Variants in MKLN1 observed in about 807,000 individuals in gnomAD.
MKLN1 encodes the protein muskelin.
A neutral mutation model predicts 99.0 loss-of-function variants in MKLN1; 18 were observed. The ratio of observed to expected loss-of-function variants is 0.18; its 90% CI spans 0.13 to 0.27. The LOEUF (loss-of-function observed/expected upper bound fraction) is 0.27. Ranked by LOEUF, MKLN1 falls within the 10% of genes least tolerant of loss-of-function variation. MKLN1 has a pLI of 1.00. For synonymous variants in MKLN1, 288 were observed against 293.2 expected (o/e 0.98, Z 0.18); for missense variants, 621 against 875.9 (o/e 0.71, Z 3.67).
intron 1 of MKLN1, among the ~76,000 whole-genome samples, chr7:131,332,988 A>G (rs907143672): frequency 6.6e-6 from 1 of 151,840 alleles, no homozygotes; most frequent in Non-Finnish European, 1.5e-5. Context: ...TAGTGGCACC[A>G]TCTTGGCTCA....
At chr7:131,235,494 G>A (rs1294872737) in intron 3 of MKLN1, among the ~76,000 whole-genome samples, 1 of 152,110 alleles carries the variant, frequency 6.6e-6, no homozygotes, top group African/African-American at 2.4e-5. Flanking sequence ...TGTCACCTTC[G>A]TGAACAGACT....
intron 8 of MKLN1, among the ~76,000 whole-genome samples, chr7:131,419,345 G>A (rs1258391809): frequency 6.7e-6 from 1 of 149,772 alleles, no homozygotes; most frequent in Non-Finnish European, 1.5e-5. Context: ...CTGCCTCCGG[G>A]GTTCAAGTGA....
intron 1 of MKLN1, among the ~76,000 whole-genome samples, chr7:131,368,413 G>A (rs534712132): frequency 1.3e-5 from 2 of 152,164 alleles, no homozygotes; most frequent in Non-Finnish European, 2.9e-5. Context: ...GAGGCTGGGT[G>A]ATTTATGAAG....
intron 1 of MKLN1, among the ~76,000 whole-genome samples, chr7:131,351,925 A>G (rs1410759008): frequency 1.3e-5 from 2 of 152,140 alleles, no homozygotes; most frequent in Non-Finnish European, 2.9e-5. Context: ...TCATCTTACC[A>G]TTCCTTTCAC....
intron 12 of MKLN1, among the ~76,000 whole-genome samples, chr7:131,458,857 A>G (rs1796425540): frequency 6.6e-6 from 1 of 152,130 alleles, no homozygotes; most frequent in South Asian, 2.1e-4. Flanking sequence ...ATTCCATTGT[A>G]TTCTAGCATT....
chr7:131,239,409 T>C (rs1797369712), intron 3 of MKLN1, among the ~76,000 whole-genome samples: 1 of 151,892 alleles, frequency 6.6e-6, no homozygotes, highest in African/African-American at 2.4e-5. Context: ...AGCCTCAAAC[T>C]CCTGGGCTCA....
chr7:131,449,542 T>G (rs1354732387), intron 12 of MKLN1, among the ~76,000 whole-genome samples: 1 of 152,226 alleles, frequency 6.6e-6, no homozygotes, highest in Non-Finnish European at 1.5e-5. Context: ...TTAGAATTAC[T>G]TGGAAAAATT....
intron 3 of MKLN1, among the ~76,000 whole-genome samples, chr7:131,297,556 T>C (rs960867003): frequency 1.3e-5 from 2 of 151,578 alleles, no homozygotes; most frequent in African/African-American, 4.9e-5. Flanking sequence ...TTTTAGTATA[T>C]ATAGGGGCCT....
chr7:131,317,765 C>CAAAAAAAAAAAA (rs146525048), intron 3 of MKLN1, among the ~76,000 whole-genome samples: 3 of 49,982 alleles, frequency 6.0e-5, no homozygotes, highest in Non-Finnish European at 8.2e-5. Flanking sequence ...AAATGGAAAG[C>CAAAAAAAAAAAA]AAAAAAAAAA....
chr7:131,111,947 C>A (rs745919764), intron 1 of MKLN1, among the ~76,000 whole-genome samples: 51 of 152,358 alleles, frequency 3.3e-4, no homozygotes, highest in African/African-American at 1.2e-3. Context: ...AAATAGGAAA[C>A]CCCATCACTT....
intron 1 of MKLN1, among the ~76,000 whole-genome samples, chr7:131,345,049 A>G (rs1584628819): frequency 6.6e-6 from 1 of 151,916 alleles, no homozygotes; most frequent in African/African-American, 2.4e-5. Flanking sequence ...CAGGCGATCC[A>G]CCCGCCTTGG....
At chr7:131,131,771 A>C (rs1795555076) in intron 1 of MKLN1, among the ~76,000 whole-genome samples, 2 of 152,210 alleles carry the variant, frequency 1.3e-5, no homozygotes, top group African/African-American at 4.8e-5. Flanking sequence ...ATGACTTAAA[A>C]GGCATACTTC....
intron 2 of MKLN1, among the ~76,000 whole-genome samples, chr7:131,384,658 T>G (rs528833594): frequency 6.6e-6 from 1 of 152,332 alleles, no homozygotes; most frequent in East Asian, 1.9e-4. Flanking sequence ...CACCCTATAG[T>G]ACACCTATAG....
chr7:131,207,234 A>G (rs1796826877), intron 3 of MKLN1, among the ~76,000 whole-genome samples: 1 of 151,804 alleles, frequency 6.6e-6, no homozygotes, highest in Admixed American at 6.6e-5. Context: ...ACAGAGTCTC[A>G]CTCACTCTGT....
chr7:131,192,088 A>T (rs1185039942), intron 2 of MKLN1, among the ~76,000 whole-genome samples: 1 of 80,722 alleles, frequency 1.2e-5, no homozygotes, highest in Non-Finnish European at 2.5e-5. Context: ...CATATATATT[A>T]TATATATATG....
At position 131,466,459 on chromosome 7, in the gene MKLN1, C is replaced by CTA. The variant is rs761890911; in HGVS notation, c.1928+48_1928+49dup. The CTA allele has an allele frequency of 8.2e-5, 114 of 1,394,766 alleles. No homozygotes were observed. The Middle Eastern group carries it at 1.8e-3, about 22-fold the overall frequency. The allele number at this position is 1,394,766 out of a possible 1,614,324, so 86.4% of individuals were successfully genotyped here. A position where few individuals can be genotyped will look rare whatever the true frequency, so the allele number is the denominator to read the frequency against. On this transcript the variant is annotated intron_variant, in intron 15 of 17. Coordinates refer to ENST00000352689, the MANE Select transcript of MKLN1 (RefSeq NM_013255.5). ...GAAAACATTTAATTAACATTATCAG[C>CTA]TATATTTCTCTTGGCAAATTTAATA...
At chr7:131,391,218 C>T (rs1416057052) in intron 4 of MKLN1, among the ~76,000 whole-genome samples, 7 of 151,936 alleles carry the variant, frequency 4.6e-5, no homozygotes, top group African/African-American at 2.4e-5. Context: ...TTAGCACAGA[C>T]GTTTATTTCA....
At chr7:131,247,235 C>CTT (rs72068521) in intron 3 of MKLN1, among the ~76,000 whole-genome samples, 1,705 of 141,144 alleles carry the variant, frequency 0.012, 26 homozygotes, top group South Asian at 0.03. Flanking sequence ...TTTCTTTTTT[C>CTT]TTTTTTTTTT....
At chr7:131,454,557 A>G (rs575561800) in intron 12 of MKLN1, among the ~76,000 whole-genome samples, 1 of 152,236 alleles carries the variant, frequency 6.6e-6, no homozygotes, top group Non-Finnish European at 1.5e-5. Context: ...TTGCTTTCCC[A>G]AAAGTCATTG....
Sources: gnomAD v4.1 joint callset for allele counts (sites outside exome capture counted in the v4.1 genomes callset) on GRCh38, gnomAD v4.1.1 for gene constraint, MANE v1.5 for transcripts, NCBI Gene and HGNC (gene_info 2026-07-23, HGNC 2026-07-21) for gene names.